The following BAIAP2L2 variants were observed in gnomAD, a reference collection of about 807,000 sequenced individuals.
BAIAP2L2 encodes the protein BAR/IMD domain-containing adapter protein 2-like 2.
In BAIAP2L2, 65 loss-of-function variants were observed where a neutral mutation model predicts 60.4. That is an observed-to-expected ratio of 1.08 (90% CI 0.88 to 1.32). The LOEUF is 1.32. Ranked by LOEUF, BAIAP2L2 falls within the 40% of genes most tolerant of loss-of-function variation. The pLI, the probability that BAIAP2L2 is intolerant of heterozygous loss-of-function variation, is 0.00. For missense variants in BAIAP2L2, 836 were observed against 741.2 expected (o/e 1.13, Z -1.48); for synonymous variants, 344 against 301.7 (o/e 1.14, Z -1.45).
intron 7 of BAIAP2L2, among the ~76,000 whole-genome samples, chr22:38,092,786 A>G (rs111611384): frequency 2.3e-5 from 2 of 87,226 alleles, no homozygotes; most frequent in Admixed American, 1.3e-4. Context: ...GTGGGAGGTG[A>G]TGGGGGCAGC....
At chr22:38,109,033 G>T in intron 2 of BAIAP2L2, 100 bp downstream of exon 2, 2 of 998,762 alleles carry the variant, frequency 2.0e-6, no homozygotes, top group Non-Finnish European at 3.0e-6. Context: ...TAGGGTTGAG[G>T]ATGAACAGGT....
rs1266096999 is a variant in BAIAP2L2, at chr22:38,110,157, C to CAGAG, written c.51+314_51+317dup. On this transcript the variant is annotated intron_variant, in intron 1 of 13. Coordinates refer to ENST00000381669, the MANE Select transcript of BAIAP2L2 (RefSeq NM_025045.6). ...AGAGAGAGAGAGAGAGAGGGAGAGA[C>CAGAG]AGAGAGAGAGAGGGAGGGTCTTTCT... is the stretch of plus-strand genomic sequence containing the variant. Among the ~76,000 whole-genome samples, 65 of 33,602 alleles carry CAGAG rather than the reference C, an allele frequency of 1.9e-3. 4 individuals carry two copies. The highest frequency in any genetic ancestry group is 0.017 in the Middle Eastern group (1 of 58). 22.0% of individuals were successfully genotyped at this position (33,602 alleles called of 152,430 possible).
At chr22:38,086,637 GGC>G (rs1018555277) in intron 11 of BAIAP2L2, among the ~76,000 whole-genome samples, 188 bp from the exon 12 acceptor site, 12 of 150,370 alleles carry the variant, frequency 8.0e-5, no homozygotes, top group African/African-American at 3.0e-4. Context: ...TGACCTTCAG[GGC>G]AGAGAGAGGG....
intron 11 of BAIAP2L2, 96 bp from the exon 12 acceptor site, chr22:38,086,545 G>A (rs1206730223): frequency 1.3e-5 from 12 of 921,282 alleles, no homozygotes; most frequent in Admixed American, 3.1e-5. Flanking sequence ...GGAGGCATCC[G>A]ACAGCTTCCT....
At chr22:38,110,365 C>G (rs1041490545) in intron 1 of BAIAP2L2, 110 bp downstream of exon 1, 31 of 1,181,512 alleles carry the variant, frequency 2.6e-5, no homozygotes, top group Non-Finnish European at 3.8e-5. Context: ...CCAGGCTTCC[C>G]TTTCCAGGAC....
chr22:38,107,899 G>A lies in BAIAP2L2; in HGVS notation c.229C>T (p.Gln77Ter). The A allele has an allele frequency of 6.2e-7, 1 of 1,613,426 alleles. No individual in the cohort carries two copies. Among genetic ancestry groups the A allele is most frequent in the Non-Finnish European group, 8.5e-7 (1 of 1,179,916 alleles). Residue 77 changes from glutamine (Q) to a stop codon, truncating the protein, a stop_gained, in exon 4 of 14, where the codon CAG becomes TAG. Transcript: ENST00000381669. LOFTEE classifies it high-confidence loss of function. The stretch of plus-strand genomic sequence containing the variant: ...AAGTGCCGCTGGGTGTCAGACATCT[G>A]CACCAAGATCTCCCCTGGAGGCATG... The part of the protein sequence containing the change: ...TSQILGEILV[Q>*]MSDTQRHLNS...
In BAIAP2L2 at chr22:38,085,598, C is replaced by T. The variant is rs992562335; in HGVS notation, c.1514+88G>A. The T allele has an allele frequency of 2.6e-5, 39 of 1,472,348 alleles. No homozygotes were observed. The Admixed American group carries it at 3.7e-4, about 14-fold the overall frequency. The allele number at this position is 1,472,348 out of a possible 1,614,324, so 91.2% of individuals were successfully genotyped here. On this transcript the variant is annotated intron_variant, in intron 13 of 13. Coordinates refer to ENST00000381669, the MANE Select transcript of BAIAP2L2 (RefSeq NM_025045.6). ...TGTTGGAATCAAGAGATCCTCCTGCCCCAGTCTCCCTAGTAGCTGGGACTA... is the reference window on the plus strand; with the variant it reads ...TGTTGGAATCAAGAGATCCTCCTGCTCCAGTCTCCCTAGTAGCTGGGACTA...
chr22:38,094,780 G>A (rs1311566892), intron 7 of BAIAP2L2, among the ~76,000 whole-genome samples: 1 of 152,166 alleles, frequency 6.6e-6, no homozygotes, highest in East Asian at 1.9e-4. Flanking sequence ...ATCCAGTCAT[G>A]TATCCCTGGG....
At chr22:38,089,390 G>C in intron 8 of BAIAP2L2, 132 bp downstream of exon 8, 2 of 600,056 alleles carry the variant, frequency 3.3e-6, no homozygotes, top group South Asian at 1.7e-4. Context: ...CGGGGCGGAA[G>C]GGCAGGCCGG....
chr22:38,103,442 A>G (rs564992715), intron 4 of BAIAP2L2, among the ~76,000 whole-genome samples: 2 of 152,318 alleles, frequency 1.3e-5, no homozygotes, highest in South Asian at 4.1e-4. Flanking sequence ...CACTTGCACT[A>G]AAAACAAAAA....
intron 10 of BAIAP2L2, 33 bp downstream of exon 10, chr22:38,088,715 C>CTG: frequency 3.3e-5 from 31 of 931,360 alleles, no homozygotes; most frequent in Non-Finnish European, 4.8e-5. Flanking sequence ...TTCTTCTCAA[C>CTG]CCACCCCCGG....
rs1392012473 is a variant in BAIAP2L2 at position 38,099,365 on chromosome 22, CT to C, written c.277-884del. 3.3e-4 allele frequency among the ~76,000 whole-genome samples: 50 copies of C among 152,060 alleles called. 1 individual carries two copies. Among genetic ancestry groups the C allele is most frequent in the Admixed American group, 3.3e-3 (50 of 15,270 alleles). On this transcript the variant is annotated intron_variant, in intron 4 of 13. Coordinates refer to ENST00000381669, the MANE Select transcript of BAIAP2L2 (RefSeq NM_025045.6). ...CCTGGCCAACATGGTGAAACCCCAT[CT>C]CTACTAAAAATGCAAAAATCAGCCA...
intron 10 of BAIAP2L2, 130 bp from the exon 11 acceptor site, chr22:38,087,394 C>T (rs1004067928): frequency 9.3e-6 from 10 of 1,070,776 alleles, no homozygotes; most frequent in East Asian, 8.1e-5. Flanking sequence ...CAATCAATTC[C>T]GTATGTTTAC....
rs1224189838 is a variant in BAIAP2L2, at chr22:38,097,187, G to A, written c.466-9C>T. On this transcript the variant is annotated splice_polypyrimidine_tract_variant and intron_variant, in intron 6 of 13. Transcript: ENST00000381669. ...AGCCGGTTCACACTCTCCTGGGGGG[G>A]AACGGGAGTTCTGGCTGGGGGCGGT... The A allele has an allele frequency of 4.3e-6, 7 of 1,609,770 alleles. No individual in the cohort carries two copies. The African/African-American group carries it at 8.0e-5, about 18-fold the overall frequency.
At chr22:38,105,339 C>CTTT (rs1035690122) in intron 4 of BAIAP2L2, among the ~76,000 whole-genome samples, 30 of 94,976 alleles carry the variant, frequency 3.2e-4, no homozygotes, top group African/African-American at 7.0e-4. Flanking sequence ...TTTTTCTTTT[C>CTTT]TTTTTTTTTT....
rs764797413 is a variant in BAIAP2L2, at chr22:38,087,267, G to A, written c.1119-3C>T. On this transcript the variant is annotated splice_polypyrimidine_tract_variant and splice_region_variant and intron_variant, in intron 10 of 13. Coordinates refer to ENST00000381669, the MANE Select transcript of BAIAP2L2 (RefSeq NM_025045.6). ...ACGCCTCGGGGAACCAACCGCTCCT[G>A]TGGGGTAGAGGCAGAGGACAATGAC... 6 of 1,602,006 alleles carry A rather than the reference G, an allele frequency of 3.7e-6. No individual in the cohort carries two copies. The South Asian group carries it at 6.7e-5, about 18-fold the overall frequency.
At chr22:38,088,724 G>A (rs1319406830) in intron 10 of BAIAP2L2, 24 bp downstream of exon 10, 5 of 1,536,714 alleles carry the variant, frequency 3.3e-6, no homozygotes, top group Non-Finnish European at 4.4e-6. Context: ...ACCCACCCCC[G>A]GCCCCTCCAA....
chr22:38,088,663 AC>A, intron 10 of BAIAP2L2, 84 bp downstream of exon 10: 1 of 1,349,838 alleles, frequency 7.4e-7, no homozygotes, highest in South Asian at 1.5e-5. Context: ...GGCCAGGGAA[AC>A]CTCAGTCCGG....
At chr22:38,085,478 C>A in intron 13 of BAIAP2L2, 103 bp from the exon 14 acceptor site, 1 of 1,368,234 alleles carries the variant, frequency 7.3e-7, no homozygotes, top group South Asian at 1.2e-5. Flanking sequence ...TGCCTCCTGC[C>A]CCTATTTGGT....
Sources: gnomAD v4.1 joint callset for allele counts (sites outside exome capture counted in the v4.1 genomes callset) on GRCh38, gnomAD v4.1.1 for gene constraint, MANE v1.5 for transcripts, NCBI Gene and HGNC (gene_info 2026-07-23, HGNC 2026-07-21) for gene names.